Variants in PLCB1 observed in about 807,000 individuals in gnomAD.
PLCB1 encodes 1-phosphatidylinositol 4,5-bisphosphate phosphodiesterase beta-1.
Under a neutral mutation model 161.8 loss-of-function variants are expected in PLCB1, and 46 were observed. The ratio of observed to expected loss-of-function variants is 0.28; its 90% CI spans 0.22 to 0.36. The LOEUF (loss-of-function observed/expected upper bound fraction) is 0.36. PLCB1 is among the 10% of genes least tolerant of loss of function. The probability of loss-of-function intolerance (pLI) is 1.00; values close to 1 mark genes in which losing one functional copy is unlikely to be tolerated. For missense variants in PLCB1, 1,016 were observed against 1,472.5 expected, an observed-to-expected ratio of 0.69 and a Z score of 5.07; for synonymous variants, 517 against 503.7, an observed-to-expected ratio of 1.03 and a Z score of -0.35.
At chr20:8,209,082 A>G (rs2123140597) in intron 2 of PLCB1, among the ~76,000 whole-genome samples, 1 of 152,300 alleles carries the variant, frequency 6.6e-6, no homozygotes, top group Non-Finnish European at 1.5e-5. Flanking sequence ...GATAACATTA[A>G]AGAAAAACTG....
intron 3 of PLCB1, among the ~76,000 whole-genome samples, chr20:8,571,828 CG>C (rs1239657163): frequency 6.6e-6 from 1 of 152,060 alleles, no homozygotes; most frequent in African/African-American, 2.4e-5. Context: ...ATTTAAAGCT[CG>C]GGGTGTCTGT....
At chr20:8,633,922 T>C (rs1027014840) in intron 4 of PLCB1, among the ~76,000 whole-genome samples, 1 of 152,212 alleles carries the variant, frequency 6.6e-6, no homozygotes, top group African/African-American at 2.4e-5. Context: ...CATTATATTA[T>C]GAGATTTATG....
At chr20:8,658,199 C>A (rs558371937) in intron 8 of PLCB1, among the ~76,000 whole-genome samples, 1 of 152,168 alleles carries the variant, frequency 6.6e-6, no homozygotes, top group East Asian at 1.9e-4. Context: ...ATGATTAAAT[C>A]AAAAATTTAC....
chr20:8,419,197 T>A (rs1979430503), intron 3 of PLCB1, among the ~76,000 whole-genome samples: 1 of 152,218 alleles, frequency 6.6e-6, no homozygotes, highest in Non-Finnish European at 1.5e-5. Context: ...TTGTCTTTGG[T>A]GTAGAAAATT....
intron 2 of PLCB1, among the ~76,000 whole-genome samples, chr20:8,177,826 T>A (rs910031355): frequency 2.6e-5 from 4 of 152,138 alleles, no homozygotes; most frequent in African/African-American, 7.2e-5. Flanking sequence ...AGTTTTTCAA[T>A]CCTCACCCTC....
chr20:8,272,080 A>G (rs934805610), intron 2 of PLCB1, among the ~76,000 whole-genome samples: 18 of 152,086 alleles, frequency 1.2e-4, no homozygotes, highest in Admixed American at 8.5e-4. Context: ...TTGTCCTTCA[A>G]AGACCTTGAT....
chr20:8,621,783 T>C (rs1022875103), intron 3 of PLCB1, among the ~76,000 whole-genome samples: 1 of 152,228 alleles, frequency 6.6e-6, no homozygotes, highest in Non-Finnish European at 1.5e-5. Context: ...TCAGGTGTAC[T>C]TGGATTCAAA....
intron 2 of PLCB1, among the ~76,000 whole-genome samples, chr20:8,184,487 C>T (rs2123096687): frequency 6.6e-6 from 1 of 152,026 alleles, no homozygotes; most frequent in Admixed American, 6.5e-5. Context: ...TTCTTTTTTA[C>T]TTTACCATCT....
At chr20:8,548,300 T>G (rs1186286737) in intron 3 of PLCB1, among the ~76,000 whole-genome samples, 2 of 127,952 alleles carry the variant, frequency 1.6e-5, no homozygotes, top group Non-Finnish European at 3.6e-5. Context: ...TTTGTTTTTC[T>G]TTCGTCTTCC....
intron 9 of PLCB1, among the ~76,000 whole-genome samples, chr20:8,670,512 T>C (rs1989916225): frequency 6.6e-6 from 1 of 152,210 alleles, no homozygotes; most frequent in Non-Finnish European, 1.5e-5. Flanking sequence ...TATCACACCA[T>C]ATCTTGGAGC....
At chr20:8,492,164 G>T (rs1982971657) in intron 3 of PLCB1, among the ~76,000 whole-genome samples, 1 of 148,194 alleles carries the variant, frequency 6.7e-6, no homozygotes. Context: ...ATAAATGGTT[G>T]CTTTGCCAAC....
At chr20:8,357,062 G>A (rs993806947) in intron 2 of PLCB1, among the ~76,000 whole-genome samples, 22 of 152,246 alleles carry the variant, frequency 1.4e-4, no homozygotes, top group African/African-American at 4.1e-4. Context: ...ATGAAAAAGC[G>A]ATCTATCTTC....
At chr20:8,750,892 T>C (rs546839235) in intron 23 of PLCB1, 7 of 1,284,910 alleles carry the variant, frequency 5.4e-6, no homozygotes, top group Non-Finnish European at 7.4e-6. Context: ...GTGGTGCCCA[T>C]CCAAAGCAAG....
chr20:8,721,328 T>C (rs1600275588), intron 14 of PLCB1, among the ~76,000 whole-genome samples: 1 of 152,216 alleles, frequency 6.6e-6, no homozygotes, highest in African/African-American at 2.4e-5. Context: ...TGCTATTGCA[T>C]TGTGTGAGCC....
intron 3 of PLCB1, among the ~76,000 whole-genome samples, chr20:8,593,566 A>G (rs1987223195): frequency 6.6e-6 from 1 of 152,244 alleles, no homozygotes; most frequent in Non-Finnish European, 1.5e-5. Flanking sequence ...AGTCCTTAGT[A>G]TAATACCAAT....
At chr20:8,826,604 G>A (rs1287391666) in intron 31 of PLCB1, among the ~76,000 whole-genome samples, 2 of 151,998 alleles carry the variant, frequency 1.3e-5, no homozygotes, top group Non-Finnish European at 2.9e-5. Context: ...GGATTGTAAG[G>A]GCAAGTGTTT....
intron 2 of PLCB1, among the ~76,000 whole-genome samples, chr20:8,205,011 G>T (rs1045363603): frequency 6.6e-6 from 1 of 151,960 alleles, no homozygotes; most frequent in Non-Finnish European, 1.5e-5. Context: ...TATTATCCTA[G>T]AAATATGTTT....
At chr20:8,323,582 G>A (rs1004592868) in intron 2 of PLCB1, among the ~76,000 whole-genome samples, 1 of 152,066 alleles carries the variant, frequency 6.6e-6, no homozygotes, top group Non-Finnish European at 1.5e-5. Flanking sequence ...TTCTCATTCG[G>A]AGGTTCAAGG....
At chr20:8,369,745 A>C (rs980509790) in intron 2 of PLCB1, among the ~76,000 whole-genome samples, 1 of 152,204 alleles carries the variant, frequency 6.6e-6, no homozygotes, top group African/African-American at 2.4e-5. Flanking sequence ...TAAAATGGGG[A>C]AAATGAAACT....
Sources: allele counts gnomAD v4.1 joint callset (sites outside exome capture counted in the v4.1 genomes callset), GRCh38; gene constraint gnomAD v4.1.1; transcripts MANE v1.5; gene names NCBI Gene and HGNC (gene_info 2026-07-23, HGNC 2026-07-21).